Variants in CCSER1 observed in about 807,000 individuals in gnomAD.
The protein encoded by CCSER1 is coiled-coil serine rich protein 1.
In CCSER1, 41 loss-of-function variants were observed where a neutral mutation model predicts 82.0. That is an observed-to-expected ratio of 0.50 (90% CI 0.39 to 0.65). CCSER1 has a LOEUF of 0.65. Ranked by LOEUF, CCSER1 falls within the 30% of genes least tolerant of loss-of-function variation. The pLI is 0.00. For synonymous variants in CCSER1, 414 were observed against 383.9 expected (o/e 1.08, Z -0.92); for missense variants, 1,119 against 1,064.2 (o/e 1.05, Z -0.72).
chr4:90,136,311 CCATGCATTCCAG>C (rs890494249), intron 1 of CCSER1, among the ~76,000 whole-genome samples: 1 of 151,908 alleles, frequency 6.6e-6, no homozygotes, highest in Non-Finnish European at 1.5e-5. Flanking sequence ...TATGATCACA[CCATGCATTCCAG>C]CTTGGGCAAC....
intron 9 of CCSER1, among the ~76,000 whole-genome samples, chr4:90,993,189 T>C (rs1390147076): frequency 1.3e-5 from 2 of 152,104 alleles, no homozygotes; most frequent in Non-Finnish European, 2.9e-5. Flanking sequence ...GATGTAAATG[T>C]AGTCATTTTT....
chr4:90,652,783 T>G (rs1729001097), intron 6 of CCSER1, among the ~76,000 whole-genome samples: 1 of 152,094 alleles, frequency 6.6e-6, no homozygotes, highest in South Asian at 2.1e-4. Flanking sequence ...TAGCAATTAT[T>G]TATTGCCCTT....
intron 8 of CCSER1, among the ~76,000 whole-genome samples, chr4:90,843,781 G>A (rs6822939): frequency 0.18 from 27,473 of 151,984 alleles, 2,768 homozygotes; most frequent in South Asian, 0.27. Flanking sequence ...TTCCAAGAGA[G>A]TGCTAGTTAT....
At chr4:90,138,655 G>C (rs1162030162) in intron 1 of CCSER1, among the ~76,000 whole-genome samples, 13 of 151,972 alleles carry the variant, frequency 8.6e-5, no homozygotes, top group Non-Finnish European at 1.5e-5. Context: ...AGTTGGTTTT[G>C]TCACTTCCTC....
intron 8 of CCSER1, among the ~76,000 whole-genome samples, chr4:90,839,647 C>G (rs1477959273): frequency 2.0e-5 from 3 of 152,082 alleles, no homozygotes; most frequent in Non-Finnish European, 4.4e-5. Context: ...ATCAAATTAC[C>G]CTAAAAGAGA....
chr4:91,512,621 T>C (rs1490753420), intron 10 of CCSER1, among the ~76,000 whole-genome samples: 1 of 152,198 alleles, frequency 6.6e-6, no homozygotes, highest in Non-Finnish European at 1.5e-5. Context: ...CTTTTATATA[T>C]ACATCTATCC....
intron 9 of CCSER1, among the ~76,000 whole-genome samples, chr4:91,051,760 G>A (rs1320671873): frequency 6.6e-6 from 1 of 152,082 alleles, no homozygotes. Flanking sequence ...AATATTGCTT[G>A]ATTCATTCTA....
rs1326721722 is a variant in CCSER1, at chr4:91,439,280, C to A, written c.2218-159292C>A. ...GAAGCCCATCAGACTAACAGCGGAT[C>A]TCTCGGCAGAAACTCTACAAGCCAG... On this transcript the variant is annotated intron_variant, in intron 10 of 10. Transcript: ENST00000509176. Among the ~76,000 whole-genome samples, 10 of 152,312 alleles carry A rather than the reference C, an allele frequency of 6.6e-5. No homozygotes were observed. In the South Asian group the frequency reaches 1.5e-3, roughly 22 times the overall value.
intron 5 of CCSER1, among the ~76,000 whole-genome samples, chr4:90,533,402 G>A (rs2153631753): frequency 6.6e-6 from 1 of 152,206 alleles, no homozygotes; most frequent in Admixed American, 6.5e-5. Context: ...GCCTCTCTCT[G>A]TTTTATCTGC....
intron 10 of CCSER1, among the ~76,000 whole-genome samples, chr4:91,584,312 A>G (rs1306790137): frequency 9.9e-5 from 15 of 151,466 alleles, no homozygotes; most frequent in Non-Finnish European, 2.1e-4. Context: ...TCTTTGGACT[A>G]GATGTATTAG....
intron 1 of CCSER1, among the ~76,000 whole-genome samples, chr4:90,145,309 A>G (rs1389909876): frequency 6.6e-6 from 1 of 152,186 alleles, no homozygotes; most frequent in African/African-American, 2.4e-5. Flanking sequence ...AATGCCACAT[A>G]ATCAAAATAA....
Position 91,176,348 on chromosome 4 carries a change from C to G in CCSER1, c.2217+90354C>G, listed in dbSNP as rs530267253. 3.3e-5 allele frequency among the ~76,000 whole-genome samples: 5 copies of G among 152,136 alleles called. No individual in the cohort carries two copies. In the East Asian group the frequency reaches 7.7e-4, roughly 24 times the overall value. On this transcript the variant is annotated intron_variant, in intron 10 of 10. Coordinates refer to ENST00000509176, the MANE Select transcript of CCSER1 (RefSeq NM_001145065.2). ...ATATGTACTTTGAAGTATTTTTTTCCAATTCTGTGAAGAAAGTCATTGGTA... is the reference window on the plus strand; with the variant it reads ...ATATGTACTTTGAAGTATTTTTTTCGAATTCTGTGAAGAAAGTCATTGGTA...
rs187785179 is a variant in CCSER1, at chr4:90,699,193, T to G, written c.1933-24721T>G. On this transcript the variant is annotated intron_variant, in intron 6 of 10. Transcript: ENST00000509176. ...GTGTGGAAGGTCCTTGCTGGGTACC[T>G]TGGCTCATGTCTGTAATCCTAGCAC... Among the ~76,000 whole-genome samples the G allele has an allele frequency of 1.9e-4, 29 of 152,260 alleles. 1 individual carries two copies. In the East Asian group the frequency reaches 5.4e-3, roughly 28 times the overall value.
At chr4:90,489,020 A>G (rs1578755586) in intron 5 of CCSER1, among the ~76,000 whole-genome samples, 1 of 152,178 alleles carries the variant, frequency 6.6e-6, no homozygotes, top group African/African-American at 2.4e-5. Context: ...AACTTGGATA[A>G]TACATACCAG....
chr4:90,205,629 G>A (rs1236289368), intron 1 of CCSER1, among the ~76,000 whole-genome samples: 1 of 152,144 alleles, frequency 6.6e-6, no homozygotes, highest in South Asian at 2.1e-4. Context: ...TTGCATCGAT[G>A]TTCATCAGGG....
intron 4 of CCSER1, among the ~76,000 whole-genome samples, chr4:90,441,460 A>G (rs1035877760): frequency 6.6e-6 from 1 of 152,060 alleles, no homozygotes; most frequent in South Asian, 2.1e-4. Flanking sequence ...GAAAGAAAGA[A>G]CAATCTCTCT....
intron 10 of CCSER1, among the ~76,000 whole-genome samples, chr4:91,341,544 T>G (rs888722179): frequency 6.6e-6 from 1 of 152,116 alleles, no homozygotes; most frequent in African/African-American, 2.4e-5. Context: ...TTTTTGGTTG[T>G]TTGTTTTGTT....
intron 8 of CCSER1, chr4:90,918,217 CTTT>C: frequency 2.2e-6 from 1 of 454,594 alleles, no homozygotes; most frequent in South Asian, 1.6e-5. Context: ...GTGTACATTT[CTTT>C]TTATTATAGA....
intron 10 of CCSER1, among the ~76,000 whole-genome samples, chr4:91,303,805 C>A (rs1412739692): frequency 1.3e-5 from 2 of 151,670 alleles, no homozygotes; most frequent in Non-Finnish European, 2.9e-5. Context: ...CAAAAACAAA[C>A]AAACAACAAC....
Sources: gnomAD v4.1 joint callset for allele counts (sites outside exome capture counted in the v4.1 genomes callset) on GRCh38, gnomAD v4.1.1 for gene constraint, MANE v1.5 for transcripts, NCBI Gene and HGNC (gene_info 2026-07-23, HGNC 2026-07-21) for gene names.